THSD4: variants seen among roughly 807,000 people sequenced by gnomAD.
THSD4 encodes thrombospondin type 1 domain containing 4, also known as thrombospondin type-1 domain-containing protein 4.
Under a neutral mutation model 119.0 loss-of-function variants are expected in THSD4, and 69 were observed. That is an observed-to-expected ratio of 0.58 (90% CI 0.48 to 0.71). The LOEUF (loss-of-function observed/expected upper bound fraction) is 0.71, where lower values mean the gene tolerates loss of function less well. THSD4 is among the 30% of genes least tolerant of loss of function. The pLI is 0.00. For synonymous variants in THSD4, 524 were observed against 540.4 expected (o/e 0.97, Z 0.42); for missense variants, 1,393 against 1,391.1 (o/e 1.00, Z -0.02).
intron 14 of THSD4, among the ~76,000 whole-genome samples, chr15:71,754,490 CAAACA>C (rs985614598): frequency 6.6e-6 from 1 of 151,598 alleles, no homozygotes; most frequent in African/African-American, 2.4e-5. Flanking sequence ...AACAAACAAA[CAAACA>C]AATCCTTTAG....
At chr15:71,547,772 G>A (rs1319137086) in intron 7 of THSD4, 5 of 224,062 alleles carry the variant, frequency 2.2e-5, no homozygotes, top group Admixed American at 1.9e-4. Flanking sequence ...TTCTCCTGCT[G>A]TAGCAGAAAA....
At chr15:71,759,632 A>T (rs1446471472) in intron 15 of THSD4, among the ~76,000 whole-genome samples, 2 of 152,236 alleles carry the variant, frequency 1.3e-5, no homozygotes, top group Admixed American at 1.3e-4. Flanking sequence ...TGTATATAGG[A>T]CACCAATTAT....
At chr15:71,118,575 C>T (rs2040382577) in intron 1 of THSD4, among the ~76,000 whole-genome samples, 1 of 151,102 alleles carries the variant, frequency 6.6e-6, no homozygotes, top group African/African-American at 2.4e-5. Flanking sequence ...TTAGTGGCCC[C>T]AGCACACTTG....
At chr15:71,256,461 G>A (rs1023496594) in intron 5 of THSD4, 152 bp from the exon 6 acceptor site, 2 of 344,182 alleles carry the variant, frequency 5.8e-6, no homozygotes, top group African/African-American at 2.3e-5. Context: ...GGCGACAAGG[G>A]TGAGACTCCA....
chr15:71,716,679 T>C (rs996158656), intron 8 of THSD4, among the ~76,000 whole-genome samples: 7 of 151,862 alleles, frequency 4.6e-5, no homozygotes, highest in African/African-American at 1.7e-4. Flanking sequence ...TGGGCTGTTA[T>C]CCTGCCCAGC....
intron 8 of THSD4, among the ~76,000 whole-genome samples, chr15:71,713,371 G>A (rs1352343494): frequency 6.6e-6 from 1 of 152,164 alleles, no homozygotes; most frequent in African/African-American, 2.4e-5. Context: ...GGGCCCCAGA[G>A]GCTGTTGTAT....
At chr15:71,542,882 A>AC (rs886310531) in intron 7 of THSD4, among the ~76,000 whole-genome samples, 2 of 151,818 alleles carry the variant, frequency 1.3e-5, no homozygotes, top group Non-Finnish European at 2.9e-5. Flanking sequence ...GTCTCAAAAA[A>AC]AAAAACAAAA....
intron 8 of THSD4, among the ~76,000 whole-genome samples, chr15:71,708,462 A>G (rs1215372726): frequency 6.6e-6 from 1 of 152,192 alleles, no homozygotes; most frequent in Non-Finnish European, 1.5e-5. Flanking sequence ...TGGGAGTTTG[A>G]ATGAGACAGT....
intron 6 of THSD4, among the ~76,000 whole-genome samples, chr15:71,328,521 A>G (rs2045376854): frequency 6.6e-6 from 1 of 152,196 alleles, no homozygotes; most frequent in Non-Finnish European, 1.5e-5. Context: ...ACTATGTTCC[A>G]GGTGCGATTC....
intron 6 of THSD4, among the ~76,000 whole-genome samples, chr15:71,269,714 C>T (rs2044507191): frequency 1.3e-5 from 2 of 152,054 alleles, no homozygotes; most frequent in Admixed American, 6.6e-5. Flanking sequence ...TCGTCTTAAC[C>T]CCAAATCTCC....
At chr15:71,268,770 A>C (rs1451443724) in intron 6 of THSD4, among the ~76,000 whole-genome samples, 1 of 152,164 alleles carries the variant, frequency 6.6e-6, no homozygotes, top group Admixed American at 6.5e-5. Context: ...ACAATAAAAA[A>C]TTATAAAGGG....
chr15:71,667,988 T>C (rs2051449231), intron 8 of THSD4, among the ~76,000 whole-genome samples: 1 of 152,228 alleles, frequency 6.6e-6, no homozygotes, highest in Admixed American at 6.5e-5. Flanking sequence ...CTTATTTTAA[T>C]ATCATATCAT....
At chr15:71,206,703 G>T (rs567927451) in intron 3 of THSD4, among the ~76,000 whole-genome samples, 1 of 152,280 alleles carries the variant, frequency 6.6e-6, no homozygotes, top group African/African-American at 2.4e-5. Context: ...AGCTGTTCTG[G>T]TTATGAATTT....
chr15:71,323,404 G>GA (rs149428686), intron 6 of THSD4, among the ~76,000 whole-genome samples: 6 of 152,362 alleles, frequency 3.9e-5, no homozygotes, highest in Non-Finnish European at 7.3e-5. Flanking sequence ...TAGAAAAGGA[G>GA]AAAGAAGGAG....
At chr15:71,283,180 G>A (rs1008468734) in intron 6 of THSD4, among the ~76,000 whole-genome samples, 46 of 152,106 alleles carry the variant, frequency 3.0e-4, no homozygotes, top group Admixed American at 1.8e-3. Flanking sequence ...TGTGTTAGCC[G>A]GGATGGTCTC....
chr15:71,252,892 T>TCATCATCAG (rs1426394057), intron 5 of THSD4, among the ~76,000 whole-genome samples: 7 of 152,116 alleles, frequency 4.6e-5, no homozygotes, highest in Non-Finnish European at 1.0e-4. Context: ...ATCATCATCA[T>TCATCATCAG]CATCAGTCCA....
At chr15:71,311,575 T>C (rs2045111591) in intron 6 of THSD4, among the ~76,000 whole-genome samples, 2 of 152,192 alleles carry the variant, frequency 1.3e-5, no homozygotes, top group African/African-American at 4.8e-5. Context: ...CTTCACTTTC[T>C]AACTGTGCAC....
chr15:71,326,700 AATATATATATAT>A (rs71154759), intron 6 of THSD4, among the ~76,000 whole-genome samples: 14 of 6,452 alleles, frequency 2.2e-3, no homozygotes, highest in South Asian at 0.014. Flanking sequence ...AAAAAAAAAA[AATATATATATAT>A]ATATATATAT....
intron 12 of THSD4, among the ~76,000 whole-genome samples, chr15:71,745,487 G>C (rs1392350254): frequency 1.3e-5 from 2 of 152,180 alleles, no homozygotes; most frequent in African/African-American, 4.8e-5. Context: ...TTAGGTTTGA[G>C]CCTGGTAAGG....
Sources: gnomAD v4.1 joint callset for allele counts (sites outside exome capture counted in the v4.1 genomes callset) on GRCh38, gnomAD v4.1.1 for gene constraint, MANE v1.5 for transcripts, NCBI Gene and HGNC (gene_info 2026-07-23, HGNC 2026-07-21) for gene names.